The following CLASP1 variants were observed in gnomAD, a reference collection of about 807,000 sequenced individuals.
The protein encoded by CLASP1 is cytoplasmic linker associated protein 1.
CLASP1 carries 38 observed loss-of-function variants against 192.3 expected under a neutral mutation model. The observed-to-expected ratio is 0.20, with a 90% CI of 0.15 to 0.26. The LOEUF is 0.26. CLASP1 is among the 10% of genes least tolerant of loss of function. The pLI is 1.00. For missense variants in CLASP1, 1,433 were observed against 1,932.5 expected (o/e 0.74, Z 4.85); for synonymous variants, 691 against 712.8 (o/e 0.97, Z 0.49).
chr2:121,593,475 C>T (rs541461675), intron 2 of CLASP1, among the ~76,000 whole-genome samples: 112 of 151,792 alleles, frequency 7.4e-4, no homozygotes, highest in South Asian at 5.0e-3. Flanking sequence ...CAAAAGTAGC[C>T]GGGCATGCTG....
In CLASP1 at chr2:121,419,876, A is replaced by C. The variant is rs542385734; in HGVS notation, c.2213-1147T>G. Reference sequence around the variant, plus strand: ...AGACATTTTAGAAACAATCAACTTGAATCACTGATATCAAAACAAGTATGT... The same window carrying C: ...AGACATTTTAGAAACAATCAACTTGCATCACTGATATCAAAACAAGTATGT... On this transcript the variant is annotated intron_variant, in intron 22 of 39. Coordinates refer to ENST00000263710, the Ensembl canonical transcript of CLASP1. 2.6e-5 allele frequency among the ~76,000 whole-genome samples: 4 copies of C among 152,302 alleles called. No homozygotes were observed. In the East Asian group the frequency reaches 7.7e-4, roughly 29 times the overall value.
intron 10 of CLASP1, 150 bp downstream of exon 10, chr2:121,462,382 A>G (rs2118387): frequency 0.13 from 65,329 of 506,056 alleles, 8,803 homozygotes; most frequent in African/African-American, 0.5. Flanking sequence ...TTGCTCCAAC[A>G]TTTTCTGGTC....
intron 24 of CLASP1, among the ~76,000 whole-genome samples, chr2:121,410,620 A>G (rs1373746140): frequency 6.6e-6 from 1 of 152,202 alleles, no homozygotes; most frequent in Non-Finnish European, 1.5e-5. Flanking sequence ...TTGATACTGA[A>G]GAGCACAGAT....
chr2:121,416,658 C>T lies in CLASP1; in HGVS notation c.2320+1964G>A, dbSNP rs967712818. Among the ~76,000 whole-genome samples the T allele has an allele frequency of 7.2e-5, 11 of 152,156 alleles. No homozygotes were observed. In the East Asian group the frequency reaches 7.7e-4, roughly 11 times the overall value. ...TGACTCAGAAACTTCTTCTAACCCC[C>T]GACCCCAAGAAGCCTCAGAACAAGC... On this transcript the variant is annotated intron_variant, in intron 23 of 39. Transcript: ENST00000263710.
chr2:121,419,759 T>C lies in CLASP1; in HGVS notation c.2213-1030A>G, dbSNP rs553668021. Among the ~76,000 whole-genome samples the C allele has an allele frequency of 6.6e-5, 10 of 152,286 alleles. No individual in the cohort carries two copies. In the South Asian group the frequency reaches 1.9e-3, roughly 28 times the overall value. On this transcript the variant is annotated intron_variant, in intron 22 of 39. Transcript: ENST00000263710. ...GAAAATACTCCAAAACAACCTTGTA[T>C]ACTGAATACATGTAGGTGGAATGCC...
intron 28 of CLASP1, among the ~76,000 whole-genome samples, chr2:121,400,334 CA>C (rs1270160259): frequency 6.6e-6 from 1 of 152,098 alleles, no homozygotes; most frequent in African/African-American, 2.4e-5. Flanking sequence ...TGCAATTACA[CA>C]GACTGACAGG....
intron 37 of CLASP1, among the ~76,000 whole-genome samples, chr2:121,359,023 G>C (rs778248529): frequency 6.6e-6 from 1 of 152,220 alleles, no homozygotes; most frequent in Non-Finnish European, 1.5e-5. Flanking sequence ...TCAAAAAACA[G>C]TTGGGCTTCT....
intron 7 of CLASP1, among the ~76,000 whole-genome samples, 174 bp from the exon 8 acceptor site, chr2:121,503,408 C>A (rs1241075476): frequency 6.6e-6 from 1 of 152,172 alleles, no homozygotes; most frequent in Admixed American, 6.5e-5. Flanking sequence ...CCAACAATAA[C>A]TGAGCACTTA....
intron 1 of CLASP1, among the ~76,000 whole-genome samples, chr2:121,646,014 A>G (rs2073107680): frequency 6.6e-6 from 1 of 152,190 alleles, no homozygotes; most frequent in African/African-American, 2.4e-5. Context: ...TAAAAAAGTT[A>G]GTTCATTTTT....
intron 2 of CLASP1, among the ~76,000 whole-genome samples, chr2:121,535,265 C>G (rs1433652620): frequency 6.6e-6 from 1 of 152,096 alleles, no homozygotes; most frequent in African/African-American, 2.4e-5. Context: ...GCCTGGGTGA[C>G]AGAGAGACAC....
intron 32 of CLASP1, among the ~76,000 whole-genome samples, chr2:121,383,174 G>T (rs1057450287): frequency 6.6e-5 from 10 of 152,190 alleles, no homozygotes; most frequent in Admixed American, 2.0e-4. Flanking sequence ...GTGATGTGGG[G>T]TAAGGCCATG....
chr2:121,372,803 C>G (rs566822734), intron 34 of CLASP1, among the ~76,000 whole-genome samples: 6 of 152,322 alleles, frequency 3.9e-5, no homozygotes, highest in African/African-American at 1.2e-4. Flanking sequence ...GAAGTCAAGG[C>G]ATTGGCTGGG....
At chr2:121,377,113 T>A (rs905354696) in intron 34 of CLASP1, among the ~76,000 whole-genome samples, 1 of 152,206 alleles carries the variant, frequency 6.6e-6, no homozygotes, top group Non-Finnish European at 1.5e-5. Context: ...ACAAAACCAG[T>A]TCCTGGTGCC....
intron 8 of CLASP1, among the ~76,000 whole-genome samples, chr2:121,498,297 A>G (rs908385492): frequency 1.2e-4 from 18 of 145,662 alleles, no homozygotes; most frequent in African/African-American, 4.8e-4. Context: ...TCCCAAGTTC[A>G]AGCGATCCTC....
intron 22 of CLASP1, among the ~76,000 whole-genome samples, chr2:121,422,179 C>T (rs2079619095): frequency 1.3e-5 from 2 of 152,102 alleles, no homozygotes; most frequent in Admixed American, 6.5e-5. Flanking sequence ...ACTTTTACAT[C>T]TTAAGGAAGG....
Position 121,479,372 on chromosome 2 carries a change from G to A in CLASP1, c.713-9412C>T, listed in dbSNP as rs375355282. On this transcript the variant is annotated intron_variant, in intron 8 of 39. Transcript: ENST00000263710. ...TAAAACCAATATTTAAAAATCCATC[G>A]TATATTCTATACATCAAATTAAGAA... 5.9e-5 allele frequency among the ~76,000 whole-genome samples: 9 copies of A among 152,248 alleles called. No homozygotes were observed. In the South Asian group the frequency reaches 1.7e-3, roughly 28 times the overall value.
At chr2:121,432,365 C>T (rs572521759) in intron 19 of CLASP1, among the ~76,000 whole-genome samples, 5 of 152,174 alleles carry the variant, frequency 3.3e-5, no homozygotes, top group Non-Finnish European at 5.9e-5. Context: ...GTGATCCACC[C>T]GCCCTGGCCT....
chr2:121,606,444 T>C (rs778706522), intron 1 of CLASP1, among the ~76,000 whole-genome samples: 1 of 152,240 alleles, frequency 6.6e-6, no homozygotes, highest in African/African-American at 2.4e-5. Flanking sequence ...AGCTTGTAAA[T>C]GCACCAGACA....
intron 1 of CLASP1, among the ~76,000 whole-genome samples, chr2:121,627,494 C>T (rs1326007270): frequency 1.3e-5 from 2 of 152,172 alleles, no homozygotes; most frequent in Non-Finnish European, 2.9e-5. Flanking sequence ...CTGCAAGGCT[C>T]TACTTTTCCA....
Sources: allele counts gnomAD v4.1 joint callset (sites outside exome capture counted in the v4.1 genomes callset), GRCh38; gene constraint gnomAD v4.1.1; transcripts MANE v1.5; gene names NCBI Gene and HGNC (gene_info 2026-07-23, HGNC 2026-07-21).